The following WNK3 variants were observed in gnomAD, a reference collection of about 807,000 sequenced individuals.
WNK3 encodes the protein serine/threonine-protein kinase WNK3.
Under a neutral mutation model 116.7 loss-of-function variants are expected in WNK3, and 18 were observed. That is an observed-to-expected ratio of 0.15 (90% CI 0.11 to 0.23). The LOEUF (loss-of-function observed/expected upper bound fraction) is 0.23, where lower values mean the gene tolerates loss of function less well. Among genes scored for constraint, WNK3 ranks in the 10% least tolerant of loss-of-function variants. The pLI is 1.00. For missense variants in WNK3, 993 were observed against 1,323.8 expected, an observed-to-expected ratio of 0.75 and a Z score of 3.88; for synonymous variants, 404 against 469.4, an observed-to-expected ratio of 0.86 and a Z score of 1.80.
At chrX:54,195,607 C>T (rs1159363669) in exon 24 of WNK3, 2 of 111,697 alleles carry the variant, frequency 1.8e-5, no homozygotes, top group African/African-American at 6.5e-5. Flanking sequence ...TAAAACCCCA[C>T]AGTGATGAGA....
intron 2 of WNK3, among the ~76,000 whole-genome samples, chrX:54,317,861 T>C (rs1237790359): frequency 9.2e-6 from 1 of 108,885 alleles, no homozygotes; most frequent in Non-Finnish European, 1.9e-5. Flanking sequence ...CTCGATCTTC[T>C]GACCTCGTGA....
chrX:54,257,446 C>G (rs781889062), intron 11 of WNK3, among the ~76,000 whole-genome samples: 1 of 110,911 alleles, frequency 9.0e-6, no homozygotes, highest in African/African-American at 3.3e-5. Flanking sequence ...TCACGGCCCA[C>G]AAAAGCAGGC....
At chrX:54,223,462 C>T in intron 22 of WNK3, 1 of 120,000 alleles carries the variant, frequency 8.3e-6, no homozygotes, top group Non-Finnish European at 1.8e-5. Flanking sequence ...ACATCCAGCC[C>T]TAAAGGGACC....
intron 10 of WNK3, among the ~76,000 whole-genome samples, chrX:54,276,343 AC>A (rs2068447108): frequency 9.2e-6 from 1 of 108,740 alleles, no homozygotes; most frequent in African/African-American, 3.4e-5. Context: ...TCAAAAACAA[AC>A]AAACAAACAA....
chrX:54,327,434 A>C (rs1210903919), intron 2 of WNK3, among the ~76,000 whole-genome samples: 2 of 112,228 alleles, frequency 1.8e-5, no homozygotes, highest in Non-Finnish European at 1.9e-5. Flanking sequence ...GCAAACAAAC[A>C]GAATTATTTC....
chrX:54,292,706 CAAAAAAAA>C (rs1180750751), intron 10 of WNK3, among the ~76,000 whole-genome samples, 174 bp downstream of exon 10: 37 of 22,473 alleles, frequency 1.6e-3, no homozygotes, highest in Non-Finnish European at 3.0e-3. Context: ...CACTCCACCT[CAAAAAAAA>C]AAAAAAAAAA....
chrX:54,357,956 G>A (rs1435491154), exon 1 of WNK3: 1 of 112,548 alleles, frequency 8.9e-6, no homozygotes, highest in African/African-American at 3.2e-5. Flanking sequence ...AGCGGGCGGA[G>A]AGAGGGGAGC....
intron 10 of WNK3, among the ~76,000 whole-genome samples, chrX:54,264,058 G>A (rs2068284100): frequency 9.3e-6 from 1 of 107,573 alleles, no homozygotes; most frequent in Non-Finnish European, 1.9e-5. Context: ...TTTGGGCCAG[G>A]TGTGGTGGCT....
At chrX:54,286,091 C>T (rs1894545) in intron 10 of WNK3, among the ~76,000 whole-genome samples, 2 of 110,118 alleles carry the variant, frequency 1.8e-5, no homozygotes, top group Admixed American at 2.0e-4. Context: ...TTGGGGAAAA[C>T]GTTTTAATTA....
chrX:54,198,528 T>C (rs1369085433), exon 24 of WNK3: 2 of 1,207,406 alleles, frequency 1.7e-6, no homozygotes, highest in East Asian at 3.0e-5. Flanking sequence ...GCATTCCATA[T>C]GATGATAATG....
chrX:54,202,211 CA>C lies in WNK3; in HGVS notation c.4871-19del. On this transcript the variant is annotated intron_variant, in intron 22 of 23. Transcript: ENST00000354646. ...CAGTGGATCTATAAGACAAAAAAAA[CA>C]ACAACAGGGAAACCATGAAAAAGAA... 5 of 1,164,916 alleles carry C rather than the reference CA, an allele frequency of 4.3e-6. No homozygotes were observed. The highest frequency in any genetic ancestry group is 5.8e-6 in the Non-Finnish European group (5 of 863,957).
chrX:54,291,109 C>G lies in WNK3; in HGVS notation c.2037+1779G>C, dbSNP rs782174412. On this transcript the variant is annotated intron_variant, in intron 10 of 23. Transcript: ENST00000354646. The stretch of plus-strand genomic sequence containing the variant: ...CGGGCGGATCACGAGGTCAGGAGAT[C>G]GAGACCATCCTGGCTAACACGGTGA... 1.5e-3 allele frequency among the ~76,000 whole-genome samples: 169 copies of G among 110,803 alleles called. 1 individual carries two copies. Among genetic ancestry groups the G allele is most frequent in the Non-Finnish European group, 2.4e-3 (125 of 52,920 alleles).
chrX:54,258,396 C>T (rs1478554314), intron 11 of WNK3, among the ~76,000 whole-genome samples: 2 of 108,831 alleles, frequency 1.8e-5, no homozygotes, highest in Non-Finnish European at 3.8e-5. Flanking sequence ...TACAGTGGTG[C>T]GATGTCAGCT....
intron 2 of WNK3, among the ~76,000 whole-genome samples, chrX:54,321,576 C>T (rs1225320402): frequency 9.0e-6 from 1 of 111,681 alleles, no homozygotes; most frequent in African/African-American, 3.3e-5. Flanking sequence ...GTGACATCAA[C>T]ATATCAATTA....
chrX:54,201,475 G>T (rs1405135982), intron 23 of WNK3, among the ~76,000 whole-genome samples: 1 of 111,869 alleles, frequency 8.9e-6, no homozygotes, highest in Admixed American at 9.5e-5. Flanking sequence ...TAACTTATCA[G>T]ATCTAAGAAT....
intron 17 of WNK3, among the ~76,000 whole-genome samples, chrX:54,245,336 A>C (rs1457385872): frequency 3.6e-5 from 4 of 109,717 alleles, no homozygotes; most frequent in African/African-American, 1.3e-4. Flanking sequence ...AAAGTTTAAA[A>C]ATCAGCCAAG....
At chrX:54,238,963 G>A (rs373588742) in exon 18 of WNK3, 4 of 1,207,934 alleles carry the variant, frequency 3.3e-6, no homozygotes, top group Non-Finnish European at 4.5e-6. Flanking sequence ...CTTGCTAATA[G>A]GATTTTTGAG....
intron 13 of WNK3, among the ~76,000 whole-genome samples, chrX:54,251,970 C>A (rs1160417327): frequency 9.5e-6 from 1 of 104,722 alleles, no homozygotes; most frequent in Non-Finnish European, 1.9e-5. Flanking sequence ...GAGGCTGAGG[C>A]AGGAGAATTG....
At chrX:54,304,312 G>A (rs1348327833) in intron 5 of WNK3, among the ~76,000 whole-genome samples, 2 of 109,906 alleles carry the variant, frequency 1.8e-5, no homozygotes, top group Non-Finnish European at 3.8e-5. Context: ...GGTGGATTGC[G>A]TGAGCCCAGT....
Sources: allele counts gnomAD v4.1 joint callset (sites outside exome capture counted in the v4.1 genomes callset), GRCh38; gene constraint gnomAD v4.1.1; transcripts MANE v1.5; gene names NCBI Gene and HGNC (gene_info 2026-07-23, HGNC 2026-07-21).